ITGBL1: variants seen among roughly 807,000 people sequenced by gnomAD.
ITGBL1 encodes integrin beta-like protein 1.
A neutral mutation model predicts 68.5 loss-of-function variants in ITGBL1; 51 were observed. That is an observed-to-expected ratio of 0.74 (90% CI 0.59 to 0.94). The LOEUF (loss-of-function observed/expected upper bound fraction) is 0.94, where lower values mean the gene tolerates loss of function less well. Ranked by LOEUF, ITGBL1 falls within the 40% of genes least tolerant of loss-of-function variation. The pLI, the probability that ITGBL1 is intolerant of heterozygous loss-of-function variation, is 0.00. For synonymous variants in ITGBL1, 209 were observed against 227.3 expected (o/e 0.92, Z 0.72); for missense variants, 649 against 647.4 (o/e 1.00, Z -0.03).
chr13:101,598,042 A>G, intron 6 of ITGBL1, 111 bp from the exon 7 acceptor site: 1 of 986,496 alleles, frequency 1.0e-6, no homozygotes, highest in Non-Finnish European at 1.5e-6. Flanking sequence ...ATGTTATATT[A>G]TGTTCATCAA....
In ITGBL1 at chr13:101,607,479, A is replaced by G. The variant is rs111637408; in HGVS notation, c.1015+9180A>G. 9.2e-3 allele frequency among the ~76,000 whole-genome samples: 1,396 copies of G among 152,130 alleles called. 21 individuals are homozygous for G. The highest frequency in any genetic ancestry group is 0.031 in the African/African-American group (1,277 of 41,540). ...TATATAGTTGTAGCAAAATAATTCA[A>G]TCAATCCTCTTTTTATTAGATATCT... On this transcript the variant is annotated intron_variant, in intron 7 of 10. Coordinates refer to ENST00000376180, the MANE Select transcript of ITGBL1 (RefSeq NM_004791.3).
chr13:101,523,399 C>A (rs116575184), intron 2 of ITGBL1, among the ~76,000 whole-genome samples: 2 of 152,144 alleles, frequency 1.3e-5, no homozygotes, highest in African/African-American at 4.8e-5. Flanking sequence ...GCGTGCAGTT[C>A]ACCACCCACT....
chr13:101,528,813 A>T (rs774533981), intron 2 of ITGBL1, among the ~76,000 whole-genome samples: 1 of 152,008 alleles, frequency 6.6e-6, no homozygotes, highest in Non-Finnish European at 1.5e-5. Flanking sequence ...AAAAATAAGC[A>T]TAGCAAAATA....
chr13:101,600,876 C>A (rs539224951), intron 7 of ITGBL1, among the ~76,000 whole-genome samples: 1 of 152,264 alleles, frequency 6.6e-6, no homozygotes, highest in Non-Finnish European at 1.5e-5. Flanking sequence ...TGATGTTCAT[C>A]AGGGATATTG....
intron 7 of ITGBL1, among the ~76,000 whole-genome samples, chr13:101,643,299 C>T (rs868146386): frequency 6.7e-6 from 1 of 149,676 alleles, no homozygotes; most frequent in African/African-American, 2.5e-5. Flanking sequence ...AAGTTGGATT[C>T]CTAGGTATTT....
intron 2 of ITGBL1, among the ~76,000 whole-genome samples, chr13:101,481,135 C>A: frequency 2.1e-5 from 3 of 141,016 alleles, no homozygotes; most frequent in African/African-American, 2.6e-5. Flanking sequence ...TACACATGTG[C>A]ATATATATAT....
chr13:101,578,383 G>T lies in ITGBL1; in HGVS notation c.587-904G>T, dbSNP rs575219149. On this transcript the variant is annotated intron_variant, in intron 4 of 10. Transcript: ENST00000376180. ...AACACAAACTCCTATAATACAGAAA[G>T]AATAGACTAAAAACAAAACAAGAAC... 4.8e-4 allele frequency among the ~76,000 whole-genome samples: 73 copies of T among 152,234 alleles called. 3 individuals are homozygous for T. Among genetic ancestry groups the T allele is most frequent in the South Asian group, 3.3e-3 (16 of 4,820 alleles).
intron 2 of ITGBL1, among the ~76,000 whole-genome samples, chr13:101,516,782 A>G (rs2139124092): frequency 6.6e-6 from 1 of 152,300 alleles, no homozygotes; most frequent in South Asian, 2.1e-4. Context: ...GAAATGTTTT[A>G]ATTAGTATGT....
intron 4 of ITGBL1, among the ~76,000 whole-genome samples, chr13:101,577,876 T>C (rs915656717): frequency 6.6e-6 from 1 of 152,220 alleles, no homozygotes; most frequent in African/African-American, 2.4e-5. Flanking sequence ...ATTAAATCAC[T>C]TGACAGCCTT....
At chr13:101,469,514 C>G (rs1274024999) in intron 2 of ITGBL1, among the ~76,000 whole-genome samples, 1 of 152,136 alleles carries the variant, frequency 6.6e-6, no homozygotes, top group Non-Finnish European at 1.5e-5. Context: ...GAAACCCTGT[C>G]TCTACTAAAA....
intron 7 of ITGBL1, among the ~76,000 whole-genome samples, chr13:101,606,714 C>T (rs563942906): frequency 1.3e-5 from 2 of 152,076 alleles, no homozygotes; most frequent in South Asian, 2.1e-4. Flanking sequence ...TGCTGGAGAT[C>T]GTCTCTGACC....
intron 2 of ITGBL1, among the ~76,000 whole-genome samples, chr13:101,456,771 TG>T (rs1455097819): frequency 5.9e-5 from 9 of 152,152 alleles, no homozygotes; most frequent in Non-Finnish European, 1.3e-4. Flanking sequence ...AAAAATTAGC[TG>T]GGCTTGGTGG....
At chr13:101,599,001 G>T (rs2139327700) in intron 7 of ITGBL1, among the ~76,000 whole-genome samples, 1 of 152,280 alleles carries the variant, frequency 6.6e-6, no homozygotes, top group Middle Eastern at 3.4e-3. Flanking sequence ...GATCCCTGAG[G>T]AATTGTCACA....
intron 8 of ITGBL1, among the ~76,000 whole-genome samples, chr13:101,697,558 G>A (rs1043613419): frequency 3.3e-5 from 5 of 152,134 alleles, no homozygotes; most frequent in East Asian, 1.9e-4. Flanking sequence ...ATAGCAAGAC[G>A]AATGGGAACC....
chr13:101,591,745 G>T (rs1351589796), intron 6 of ITGBL1, among the ~76,000 whole-genome samples: 1 of 152,072 alleles, frequency 6.6e-6, no homozygotes, highest in South Asian at 2.1e-4. Flanking sequence ...TCATCCATTA[G>T]CATTTCTATG....
chr13:101,593,589 AAAG>A (rs1208821070), intron 6 of ITGBL1, among the ~76,000 whole-genome samples: 7 of 152,158 alleles, frequency 4.6e-5, no homozygotes, highest in African/African-American at 7.2e-5. Context: ...TCTGCCATAA[AAAG>A]AAAGAAATCC....
At chr13:101,691,194 G>A (rs2033875913) in intron 7 of ITGBL1, among the ~76,000 whole-genome samples, 1 of 152,250 alleles carries the variant, frequency 6.6e-6, no homozygotes, top group South Asian at 2.1e-4. Flanking sequence ...TAGGAAGAGG[G>A]AATATCGTTG....
chr13:101,565,005 G>T (rs1178268282), intron 2 of ITGBL1, among the ~76,000 whole-genome samples: 1 of 152,008 alleles, frequency 6.6e-6, no homozygotes, highest in Admixed American at 6.6e-5. Flanking sequence ...CAGCAACTGA[G>T]AGAGAGGCAT....
At chr13:101,529,506 GA>G (rs1452282378) in intron 2 of ITGBL1, among the ~76,000 whole-genome samples, 3 of 152,284 alleles carry the variant, frequency 2.0e-5, no homozygotes, top group Non-Finnish European at 4.4e-5. Context: ...ACTGGAAAAA[GA>G]AAACTATGTT....
Sources: gnomAD v4.1 joint callset for allele counts (sites outside exome capture counted in the v4.1 genomes callset) on GRCh38, gnomAD v4.1.1 for gene constraint, MANE v1.5 for transcripts, NCBI Gene and HGNC (gene_info 2026-07-23, HGNC 2026-07-21) for gene names.